SLC2A13: variants seen among roughly 807,000 people sequenced by gnomAD.
SLC2A13 encodes solute carrier family 2 member 13.
In SLC2A13, 32 loss-of-function variants were observed where a neutral mutation model predicts 64.4. The observed-to-expected ratio is 0.50, with a 90% CI of 0.37 to 0.67. The LOEUF is 0.67. SLC2A13 is among the 30% of genes least tolerant of loss of function. The pLI, the probability that SLC2A13 is intolerant of heterozygous loss-of-function variation, is 0.00. For synonymous variants in SLC2A13, 338 were observed against 327.1 expected, an observed-to-expected ratio of 1.03 and a Z score of -0.36; for missense variants, 743 against 829.2, an observed-to-expected ratio of 0.90 and a Z score of 1.28.
At chr12:39,878,593 A>G (rs1281764217) in intron 4 of SLC2A13, among the ~76,000 whole-genome samples, 1 of 152,244 alleles carries the variant, frequency 6.6e-6, no homozygotes, top group East Asian at 1.9e-4. Context: ...TAAGCAACAA[A>G]GCATTCAAGA....
chr12:40,080,561 T>G (rs1034257732), intron 1 of SLC2A13, among the ~76,000 whole-genome samples: 6 of 152,120 alleles, frequency 3.9e-5, no homozygotes, highest in African/African-American at 1.4e-4. Context: ...TGGCTATTTT[T>G]TTGTATTTTT....
At chr12:39,785,762 G>C (rs1459574959) in intron 7 of SLC2A13, among the ~76,000 whole-genome samples, 1 of 152,200 alleles carries the variant, frequency 6.6e-6, no homozygotes, top group Non-Finnish European at 1.5e-5. Context: ...CCCACCTCTT[G>C]CATCAGCATG....
intron 4 of SLC2A13, among the ~76,000 whole-genome samples, chr12:39,895,308 G>A (rs1033136317): frequency 2.6e-5 from 4 of 151,452 alleles, no homozygotes; most frequent in Non-Finnish European, 5.9e-5. Flanking sequence ...GGCTAATACG[G>A]GGAAATCCCG....
chr12:40,077,072 G>GT, intron 1 of SLC2A13, among the ~76,000 whole-genome samples: 1 of 152,110 alleles, frequency 6.6e-6, no homozygotes, highest in East Asian at 1.9e-4. Context: ...TGGATGCATA[G>GT]TTTGCAAATA....
intron 2 of SLC2A13, among the ~76,000 whole-genome samples, chr12:40,030,736 CAAGGG>C (rs1454066079): frequency 1.3e-5 from 2 of 150,862 alleles, no homozygotes; most frequent in Non-Finnish European, 1.5e-5. Flanking sequence ...GAAAAAAAGA[CAAGGG>C]AAGAGAAGAG....
chr12:39,845,923 G>C (rs2135884081), intron 6 of SLC2A13, among the ~76,000 whole-genome samples: 1 of 152,226 alleles, frequency 6.6e-6, no homozygotes, highest in Admixed American at 6.5e-5. Context: ...AGGAGGCTTA[G>C]AAAAGAACAG....
At chr12:39,979,500 C>A (rs1946845176) in intron 3 of SLC2A13, among the ~76,000 whole-genome samples, 1 of 149,000 alleles carries the variant, frequency 6.7e-6, no homozygotes, top group African/African-American at 2.5e-5. Context: ...AGCTGAAAGC[C>A]AAGGCTCGAG....
intron 1 of SLC2A13, among the ~76,000 whole-genome samples, chr12:40,075,427 G>A (rs1447360992): frequency 6.6e-6 from 1 of 152,176 alleles, no homozygotes; most frequent in Non-Finnish European, 1.5e-5. Context: ...TTTGTCCTAT[G>A]ACCTCACTTC....
intron 7 of SLC2A13, among the ~76,000 whole-genome samples, chr12:39,812,646 T>C (rs1942212017): frequency 6.6e-6 from 1 of 151,664 alleles, no homozygotes; most frequent in Non-Finnish European, 1.5e-5. Flanking sequence ...CTGATTTGTA[T>C]ATTTTTAGTA....
intron 4 of SLC2A13, among the ~76,000 whole-genome samples, chr12:39,891,958 A>G (rs1016947226): frequency 2.0e-5 from 3 of 152,186 alleles, no homozygotes; most frequent in African/African-American, 7.2e-5. Flanking sequence ...ATTTTGGGAA[A>G]TATGGTTATC....
Position 39,829,049 on chromosome 12 carries a change from T to C in SLC2A13, c.1445+1054A>G, listed in dbSNP as rs149381122. Among the ~76,000 whole-genome samples the C allele has an allele frequency of 2.8e-3, 428 of 152,234 alleles. 1 individual carries two copies. The highest frequency in any genetic ancestry group is 4.9e-3 in the Non-Finnish European group (331 of 67,990). On this transcript the variant is annotated intron_variant, in intron 7 of 9. Transcript: ENST00000280871. Reference sequence around the variant, plus strand: ...ACACAATACTTTATTACAGATTTCATTGCCTTTATCAGTACTATGAGTAGA... The same window carrying C: ...ACACAATACTTTATTACAGATTTCACTGCCTTTATCAGTACTATGAGTAGA...
At position 40,105,307 on chromosome 12, in the gene SLC2A13, C is replaced by A. The variant is rs1328246783; in HGVS notation, c.502G>T (p.Ala168Ser). The part of the protein sequence containing the change: ...FTAGSAVLAA[A>S]NNKETLLAGR... ...GCGAGCAGTGTCTCCTTGTTGTTGG[C>A]CGCAGCCAGCACCGCGGAGCCGGCG... The change falls in exon 1 of 10, where the codon GCC (alanine) becomes TCC (serine). Residue 168 changes from alanine to serine, a missense_variant. Ala to Ser is a moderately conservative substitution (Grantham distance 99). Transcript: ENST00000280871. This position sits in a 1 kb window ranked among gnomAD's most constrained non-coding sequence, Gnocchi z 4.2. 2 of 1,601,536 alleles carry A rather than the reference C, an allele frequency of 1.2e-6. No homozygotes were observed. The highest frequency in any genetic ancestry group is 1.7e-6 in the Non-Finnish European group (2 of 1,175,810).
chr12:39,961,654 A>T (rs908824739), intron 3 of SLC2A13, among the ~76,000 whole-genome samples: 1 of 151,776 alleles, frequency 6.6e-6, no homozygotes, highest in Non-Finnish European at 1.5e-5. Flanking sequence ...ACATGCCATC[A>T]CATCTGGCTA....
At chr12:39,981,132 C>G (rs990718155) in intron 3 of SLC2A13, among the ~76,000 whole-genome samples, 11 of 151,292 alleles carry the variant, frequency 7.3e-5, no homozygotes, top group Non-Finnish European at 1.5e-4. Flanking sequence ...CCAACGAGAA[C>G]AAAGACACAA....
chr12:39,854,824 C>T (rs1943564099), intron 6 of SLC2A13, among the ~76,000 whole-genome samples: 3 of 152,150 alleles, frequency 2.0e-5, no homozygotes, highest in South Asian at 4.1e-4. Context: ...AAGGGCAAAT[C>T]TGTTTTCCGC....
chr12:40,067,519 AAT>A (rs34695443), intron 1 of SLC2A13, among the ~76,000 whole-genome samples: 49,811 of 151,884 alleles, frequency 0.33, 8,459 homozygotes, highest in Non-Finnish European at 0.38. Context: ...AAACATGGTT[AAT>A]ATTGTTTCCA....
intron 4 of SLC2A13, among the ~76,000 whole-genome samples, chr12:39,925,665 A>T (rs1945714372): frequency 6.6e-6 from 1 of 152,122 alleles, no homozygotes; most frequent in Non-Finnish European, 1.5e-5. Context: ...TTTTCATGTC[A>T]ATTATTTTAG....
At chr12:39,912,765 G>T (rs1945451620) in intron 4 of SLC2A13, among the ~76,000 whole-genome samples, 1 of 152,054 alleles carries the variant, frequency 6.6e-6, no homozygotes, top group African/African-American at 2.4e-5. Context: ...TGCTGATCTG[G>T]CCTCGAGTAT....
At position 39,867,391 on chromosome 12, in the gene SLC2A13, A is replaced by C. The variant is rs145404070; in HGVS notation, c.1199-2509T>G. Among the ~76,000 whole-genome samples, 412 of 152,356 alleles carry C rather than the reference A, an allele frequency of 2.7e-3. 1 individual carries two copies. Among genetic ancestry groups the C allele is most frequent in the African/African-American group, 9.3e-3 (387 of 41,582 alleles). ...TCTAGTGCCTGGCATATAAAGATTC[A>C]AATAAATATTGGTTGAATGGATGGG... On this transcript the variant is annotated intron_variant, in intron 5 of 9. Coordinates refer to ENST00000280871, the MANE Select transcript of SLC2A13 (RefSeq NM_052885.4).
Sources: gnomAD v4.1 joint callset for allele counts (sites outside exome capture counted in the v4.1 genomes callset) on GRCh38, gnomAD v4.1.1 for gene constraint, Gnocchi (gnomAD v3.1) non-coding constraint, MANE v1.5 for transcripts, NCBI Gene and HGNC (gene_info 2026-07-23, HGNC 2026-07-21) for gene names.